RAB22A: variants seen among roughly 807,000 people sequenced by gnomAD.
RAB22A encodes ras-related protein Rab-22A.
Under a neutral mutation model 30.2 loss-of-function variants are expected in RAB22A, and 13 were observed. The ratio of observed to expected loss-of-function variants is 0.43; its 90% confidence interval spans 0.28 to 0.68. The LOEUF (loss-of-function observed/expected upper bound fraction) is 0.68, where lower values mean the gene tolerates loss of function less well. Among genes scored for constraint, RAB22A ranks in the 30% least tolerant of loss-of-function variants. RAB22A has a pLI of 0.18. For synonymous variants in RAB22A, 89 were observed against 87.2 expected, an observed-to-expected ratio of 1.02 and a Z score of -0.11; for missense variants, 177 against 246.8, an observed-to-expected ratio of 0.72 and a Z score of 1.89.
intron 2 of RAB22A, 53 bp from the exon 3 acceptor site, chr20:58,343,665 T>C (rs1986896111): frequency 4.9e-6 from 7 of 1,415,390 alleles, no homozygotes; most frequent in African/African-American, 1.4e-5. Context: ...CGACTGGGGC[T>C]GGAAACGTGC....
At chr20:58,310,628 C>G (rs1056185023) in intron 1 of RAB22A, among the ~76,000 whole-genome samples, 1 of 152,312 alleles carries the variant, frequency 6.6e-6, no homozygotes, top group South Asian at 2.1e-4. Flanking sequence ...TGCTGTCATT[C>G]CAGAGTTTCT....
chr20:58,353,716 A>C (rs936671488), intron 5 of RAB22A, among the ~76,000 whole-genome samples, 178 bp downstream of exon 5: 3 of 152,174 alleles, frequency 2.0e-5, no homozygotes, highest in Non-Finnish European at 4.4e-5. Context: ...ATTTGGAGCT[A>C]ATTATATTAT....
chr20:58,344,205 C>T (rs983481304), intron 3 of RAB22A, among the ~76,000 whole-genome samples: 5 of 152,196 alleles, frequency 3.3e-5, no homozygotes, highest in African/African-American at 4.8e-5. Flanking sequence ...AACTTTACAG[C>T]ATATGAAGGG....
chr20:58,323,833 T>C (rs558516514), intron 2 of RAB22A, among the ~76,000 whole-genome samples: 5 of 151,968 alleles, frequency 3.3e-5, no homozygotes, highest in Non-Finnish European at 7.4e-5. Context: ...ATGTTGACTT[T>C]ATCAAAATAT....
At chr20:58,351,626 C>T (rs1380325003) in intron 3 of RAB22A, among the ~76,000 whole-genome samples, 1 of 152,184 alleles carries the variant, frequency 6.6e-6, no homozygotes, top group East Asian at 1.9e-4. Context: ...CCAGACTGAC[C>T]AACATGGAGA....
intron 2 of RAB22A, among the ~76,000 whole-genome samples, chr20:58,329,605 C>T (rs951613071): frequency 6.6e-6 from 1 of 152,046 alleles, no homozygotes; most frequent in Non-Finnish European, 1.5e-5. Flanking sequence ...GGGTTCACTG[C>T]GTTTCTTAGA....
intron 2 of RAB22A, among the ~76,000 whole-genome samples, chr20:58,328,191 A>G (rs1986601524): frequency 6.6e-6 from 1 of 152,104 alleles, no homozygotes; most frequent in Non-Finnish European, 1.5e-5. Context: ...AATGTTATAT[A>G]TATTTTTTGA....
rs1987226305 is a variant in RAB22A, at chr20:58,361,650, GGT to G, written c.*1952_*1953del. ...ATCCCAGGCATCCGGGCACCACCCT[GGT>G]GTGTCCCTAGAATTCCCACTGCTGG... On this transcript the variant is annotated 3_prime_UTR_variant, in exon 7 of 7. Coordinates refer to ENST00000244040, the MANE Select transcript of RAB22A (RefSeq NM_020673.3). 1 of 152,124 alleles carries G rather than the reference GGT, an allele frequency of 6.6e-6. No homozygotes were observed. Among genetic ancestry groups the G allele is most frequent in the Admixed American group, 6.6e-5 (1 of 15,264 alleles). The allele number at this position is 152,124 out of a possible 1,614,324, so 9.4% of individuals were successfully genotyped here.
chr20:58,316,585 A>G (rs1568863768), intron 2 of RAB22A, among the ~76,000 whole-genome samples: 2 of 152,238 alleles, frequency 1.3e-5, no homozygotes, highest in South Asian at 2.1e-4. Flanking sequence ...GCCATTGTGT[A>G]GTGAGCCTAT....
chr20:58,341,798 G>T (rs748758682), intron 2 of RAB22A, among the ~76,000 whole-genome samples: 3 of 152,116 alleles, frequency 2.0e-5, no homozygotes, highest in Non-Finnish European at 4.4e-5. Flanking sequence ...CATAATTATT[G>T]TGTATACCTT....
At chr20:58,354,343 G>A (rs2122969208) in intron 6 of RAB22A, 78 bp downstream of exon 6, 1 of 993,692 alleles carries the variant, frequency 1.0e-6, no homozygotes, top group Non-Finnish European at 1.5e-6. Flanking sequence ...TAGAATTCCT[G>A]TCTTACTTAG....
At chr20:58,330,366 ATTATAT>A (rs1024442540) in intron 2 of RAB22A, among the ~76,000 whole-genome samples, 1 of 152,102 alleles carries the variant, frequency 6.6e-6, no homozygotes, top group African/African-American at 2.4e-5. Flanking sequence ...TTAAGTCTAG[ATTATAT>A]TTATAGTAGC....
At chr20:58,342,088 A>G (rs1488919533) in intron 2 of RAB22A, among the ~76,000 whole-genome samples, 1 of 152,246 alleles carries the variant, frequency 6.6e-6, no homozygotes, top group African/African-American at 2.4e-5. Context: ...TTCCACATAC[A>G]TCATCTCATT....
chr20:58,322,388 A>T (rs1473365383), intron 2 of RAB22A, among the ~76,000 whole-genome samples: 1 of 152,252 alleles, frequency 6.6e-6, no homozygotes, highest in Non-Finnish European at 1.5e-5. Flanking sequence ...GCTACTAGCC[A>T]CATGTTAAAA....
chr20:58,323,787 T>G (rs1986505052), intron 2 of RAB22A, among the ~76,000 whole-genome samples: 2 of 151,920 alleles, frequency 1.3e-5, no homozygotes, highest in South Asian at 4.1e-4. Flanking sequence ...CACCTTTATT[T>G]TGTTTGCTGG....
At chr20:58,356,481 A>C (rs951577829) in intron 6 of RAB22A, among the ~76,000 whole-genome samples, 2 of 152,204 alleles carry the variant, frequency 1.3e-5, no homozygotes, top group African/African-American at 4.8e-5. Flanking sequence ...TGGCTTAGTA[A>C]AACTGCGTGA....
intron 6 of RAB22A, among the ~76,000 whole-genome samples, chr20:58,357,190 C>T (rs910712928): frequency 4.6e-5 from 7 of 152,178 alleles, no homozygotes; most frequent in African/African-American, 1.7e-4. Flanking sequence ...AGTCAGTGAT[C>T]TCCATTTTCA....
chr20:58,342,455 C>G (rs3746402), intron 2 of RAB22A, among the ~76,000 whole-genome samples: 2 of 152,108 alleles, frequency 1.3e-5, no homozygotes, highest in East Asian at 1.9e-4. Context: ...GATTCTGATA[C>G]TTGTCTAAGC....
At chr20:58,320,885 G>C (rs1355185750) in intron 2 of RAB22A, among the ~76,000 whole-genome samples, 2 of 152,120 alleles carry the variant, frequency 1.3e-5, no homozygotes, top group Non-Finnish European at 2.9e-5. Flanking sequence ...GTGAAACCCT[G>C]TCTCTGCTAA....
Sources: allele counts gnomAD v4.1 joint callset (sites outside exome capture counted in the v4.1 genomes callset), GRCh38; gene constraint gnomAD v4.1.1; transcripts MANE v1.5; gene names NCBI Gene and HGNC (gene_info 2026-07-23, HGNC 2026-07-21).